The following NHSL1 variants were observed in gnomAD, a reference collection of about 807,000 sequenced individuals.
NHSL1 encodes the protein NHS like 1.
A neutral mutation model predicts 95.0 loss-of-function variants in NHSL1; 48 were observed. The observed-to-expected ratio is 0.51, with a 90% confidence interval of 0.40 to 0.64. The LOEUF (loss-of-function observed/expected upper bound fraction) is 0.64. NHSL1 is among the 30% of genes least tolerant of loss of function. The pLI is 0.00. For missense variants in NHSL1, 1,971 were observed against 2,077.7 expected (o/e 0.95, Z 1.00); for synonymous variants, 783 against 833.9 (o/e 0.94, Z 1.05).
chr6:138,550,719 A>G (rs1190660496), intron 1 of NHSL1, among the ~76,000 whole-genome samples: 1 of 152,222 alleles, frequency 6.6e-6, no homozygotes, highest in Non-Finnish European at 1.5e-5. Flanking sequence ...AGTGGGGATG[A>G]GAATAAATTA....
upstream of NHSL1, among the ~76,000 whole-genome samples, chr6:138,574,197 C>T (rs2114461691): frequency 6.6e-6 from 1 of 152,318 alleles, no homozygotes; most frequent in East Asian, 1.9e-4. Flanking sequence ...TCCCAAGGTG[C>T]TGGGATTACA....
At chr6:138,469,090 T>C (rs114214020) in intron 3 of NHSL1, among the ~76,000 whole-genome samples, 2,662 of 152,290 alleles carry the variant, frequency 0.017, 78 homozygotes, top group African/African-American at 0.061. Context: ...CTGCTGGCTG[T>C]ACAGCTTGGA....
intron 1 of NHSL1, chr6:138,545,494 T>C (rs1188601401): frequency 8.2e-6 from 5 of 606,680 alleles, no homozygotes; most frequent in South Asian, 3.4e-5. Context: ...TTTTTCACTT[T>C]CATACTTACA....
intron 3 of NHSL1, among the ~76,000 whole-genome samples, chr6:138,469,579 G>C (rs886667800): frequency 5.9e-5 from 9 of 152,024 alleles, no homozygotes; most frequent in Admixed American, 3.3e-4. Context: ...ACAAGAATCA[G>C]CTGGGCGTGG....
At chr6:138,609,746 T>C (rs1337188746) in intron 1 of NHSL1, among the ~76,000 whole-genome samples, 32 of 39,372 alleles carry the variant, frequency 8.1e-4, no homozygotes. Context: ...CAAGACTCTG[T>C]CTCAAAAAAA....
At chr6:138,675,945 G>A (rs1785443396) in intron 1 of NHSL1, among the ~76,000 whole-genome samples, 3 of 152,274 alleles carry the variant, frequency 2.0e-5, no homozygotes, top group Admixed American at 2.0e-4. Context: ...TGGAAATATG[G>A]TTTTTAGGAA....
chr6:138,576,055 G>A (rs1230420716), upstream of NHSL1, among the ~76,000 whole-genome samples: 3 of 152,090 alleles, frequency 2.0e-5, no homozygotes, highest in South Asian at 2.1e-4. Flanking sequence ...GCAGTGGCGC[G>A]ATCTTGTCTC....
chr6:138,467,393 C>T (rs1427818751), intron 3 of NHSL1, among the ~76,000 whole-genome samples: 1 of 152,218 alleles, frequency 6.6e-6, no homozygotes, highest in African/African-American at 2.4e-5. Flanking sequence ...ACCTCATGAT[C>T]CGCCCGCCTC....
At chr6:138,537,325 T>C (rs1433608501) in intron 1 of NHSL1, among the ~76,000 whole-genome samples, 2 of 152,254 alleles carry the variant, frequency 1.3e-5, no homozygotes, top group African/African-American at 4.8e-5. Flanking sequence ...CCTTTGCCAA[T>C]ATATGTGACT....
intron 1 of NHSL1, among the ~76,000 whole-genome samples, chr6:138,673,229 T>C (rs571615382): frequency 2.0e-5 from 3 of 152,126 alleles, no homozygotes; most frequent in African/African-American, 7.2e-5. Flanking sequence ...TACTCACTTT[T>C]AGCTATTCAT....
At chr6:138,616,180 T>A (rs1784576053) in intron 1 of NHSL1, among the ~76,000 whole-genome samples, 1 of 152,238 alleles carries the variant, frequency 6.6e-6, no homozygotes, top group Non-Finnish European at 1.5e-5. Context: ...CAAATTTTTT[T>A]ATCAATATTA....
intron 1 of NHSL1, among the ~76,000 whole-genome samples, chr6:138,672,891 C>T (rs1785393406): frequency 6.6e-6 from 1 of 152,056 alleles, no homozygotes; most frequent in Non-Finnish European, 1.5e-5. Context: ...GTGGCACGCA[C>T]TTGTAGTCCC....
chr6:138,548,027 G>A (rs1482721151), upstream of NHSL1, among the ~76,000 whole-genome samples: 1 of 152,202 alleles, frequency 6.6e-6, no homozygotes, highest in Non-Finnish European at 1.5e-5. Flanking sequence ...GTCTCACTCT[G>A]GCTGGAGTGC....
intron 1 of NHSL1, among the ~76,000 whole-genome samples, chr6:138,639,896 T>C (rs1784938599): frequency 1.3e-5 from 2 of 151,338 alleles, no homozygotes; most frequent in Non-Finnish European, 1.5e-5. Context: ...CTTTTTTTTT[T>C]TTTTTACAAA....
At chr6:138,638,595 C>A (rs1784919126) in intron 1 of NHSL1, among the ~76,000 whole-genome samples, 1 of 152,114 alleles carries the variant, frequency 6.6e-6, no homozygotes, top group Non-Finnish European at 1.5e-5. Context: ...ATTGAATCTA[C>A]ATCAAAAGAA....
In NHSL1 at chr6:138,424,158, G is replaced by T; in HGVS notation, c.4744C>A (p.Pro1582Thr). Residue 1582 changes from proline to threonine, a missense_variant, in exon 8 of 8, where the codon CCT (proline) becomes ACT (threonine). Physicochemically the swap from Pro to Thr is conservative, Grantham distance 38 (BLOSUM62 -1). Transcript: ENST00000343505. This position sits in a 1 kb window ranked among gnomAD's most constrained non-coding sequence, Gnocchi z 5.9. ...AASLQPQAPG[P>T]VDGTASAEGR... ...TCTGCACTGGCTGTCCCATCCACAGGGCCGGGGGCCTGGGGCTGCAGGGAG... is the reference window on the plus strand; with the variant it reads ...TCTGCACTGGCTGTCCCATCCACAGTGCCGGGGGCCTGGGGCTGCAGGGAG... 2.8e-6 allele frequency: 4 copies of T among 1,451,430 alleles called. No homozygotes were observed. Among genetic ancestry groups the T allele is most frequent in the Non-Finnish European group, 3.6e-6 (4 of 1,106,458 alleles). The allele number at this position is 1,451,430 out of a possible 1,614,324, so 89.9% of individuals were successfully genotyped here.
chr6:138,573,205 A>C (rs1197718811), upstream of NHSL1, among the ~76,000 whole-genome samples: 7 of 152,224 alleles, frequency 4.6e-5, no homozygotes, highest in Admixed American at 2.0e-4. Flanking sequence ...CCTCCTCTGC[A>C]AACTATCTAG....
chr6:138,647,374 AC>A (rs1187505883), intron 1 of NHSL1, among the ~76,000 whole-genome samples: 3 of 152,200 alleles, frequency 2.0e-5, no homozygotes, highest in Non-Finnish European at 2.9e-5. Flanking sequence ...TGTCTACAAA[AC>A]AAAAGCTTGC....
At chr6:138,455,758 A>AAC (rs747103142) in intron 3 of NHSL1, among the ~76,000 whole-genome samples, 117,984 of 152,078 alleles carry the variant, frequency 0.78, 46,968 homozygotes, top group East Asian at 0.93. Context: ...CAAGCTAGCA[A>AAC]TAGCATAAAC....
Sources: allele counts gnomAD v4.1 joint callset (sites outside exome capture counted in the v4.1 genomes callset), GRCh38; gene constraint gnomAD v4.1.1; non-coding constraint Gnocchi (gnomAD v3.1); transcripts MANE v1.5; gene names NCBI Gene and HGNC (gene_info 2026-07-23, HGNC 2026-07-21).